The following MLXIPL variants were observed in gnomAD, a reference collection of about 807,000 sequenced individuals.
The protein encoded by MLXIPL is carbohydrate-responsive element-binding protein.
In MLXIPL, 49 loss-of-function variants were observed where a neutral mutation model predicts 81.5. The ratio of observed to expected loss-of-function variants is 0.60; its 90% CI spans 0.48 to 0.76. The LOEUF is 0.76. Among genes scored for constraint, MLXIPL ranks in the 30% least tolerant of loss-of-function variants. MLXIPL has a pLI of 0.00. For missense variants in MLXIPL, 1,053 were observed against 1,167.0 expected (o/e 0.90, Z 1.42); for synonymous variants, 466 against 485.5 (o/e 0.96, Z 0.53).
At chr7:73,637,598 G>A in the MLXIPL span, among the ~76,000 whole-genome samples, 2 of 152,106 alleles carry the variant, frequency 1.3e-5, no homozygotes, top group Non-Finnish European at 2.9e-5. Flanking sequence ...ATCTCATTAT[G>A]AGCCAGACAG....
chr7:73,602,165 T>TTCCTTCCTTCC (rs1554596517), intron 7 of MLXIPL, among the ~76,000 whole-genome samples: 17 of 148,492 alleles, frequency 1.1e-4, no homozygotes, highest in South Asian at 2.1e-4. Flanking sequence ...CCTTCCTTCC[T>TTCCTTCCTTCC]TTCTTTCCCT....
chr7:73,599,380 G>A lies in MLXIPL; in HGVS notation c.1071+146C>T. On this transcript the variant is annotated intron_variant, in intron 8 of 16. Transcript: ENST00000313375. ...TCTGCTTCACGGGGTCCCTCCCAGA[G>A]GGCAGAGATGGGGTCTTTCTTTCCC... 4 of 1,034,914 alleles carry A rather than the reference G, an allele frequency of 3.9e-6. No individual in the cohort carries two copies. The Admixed American group carries it at 7.6e-5, about 20-fold the overall frequency. The allele number at this position is 1,034,914 out of a possible 1,614,324, so 64.1% of individuals were successfully genotyped here.
At chr7:73,635,553 A>G in the MLXIPL span, among the ~76,000 whole-genome samples, 1 of 150,744 alleles carries the variant, frequency 6.6e-6, no homozygotes, top group South Asian at 2.1e-4. Context: ...CCATCCATCC[A>G]TCCATCCATC....
At chr7:73,628,406 C>T (rs1488416377), upstream of MLXIPL, among the ~76,000 whole-genome samples, 2 of 152,190 alleles carry the variant, frequency 1.3e-5, no homozygotes, top group Non-Finnish European at 1.5e-5. Flanking sequence ...CCTCTAGAAG[C>T]CTAACCGCTG....
chr7:73,643,027 T>C, the MLXIPL span, among the ~76,000 whole-genome samples: 1 of 152,040 alleles, frequency 6.6e-6, no homozygotes, highest in African/African-American at 2.4e-5. Context: ...ATTCCAAGGG[T>C]TGTAGGAGCT....
At chr7:73,638,847 T>C in the MLXIPL span, among the ~76,000 whole-genome samples, 252 of 152,264 alleles carry the variant, frequency 1.7e-3, 2 homozygotes, top group Middle Eastern at 3.4e-3. Flanking sequence ...GGTCTTGAAC[T>C]CCTGACCTCA....
chr7:73,638,978 A>G, the MLXIPL span, among the ~76,000 whole-genome samples: 1 of 152,014 alleles, frequency 6.6e-6, no homozygotes, highest in Non-Finnish European at 1.5e-5. Context: ...AGTAGAGAGG[A>G]GAAAAAAAAT....
At chr7:73,611,384 A>G (rs1186726020) in intron 2 of MLXIPL, 1 of 152,256 alleles carries the variant, frequency 6.6e-6, no homozygotes, top group Non-Finnish European at 1.5e-5. Context: ...GCTCTGACAA[A>G]GAGAACAACT....
At position 73,607,359 on chromosome 7, in the gene MLXIPL, T is replaced by C. The variant is rs1554598573; in HGVS notation, c.545A>G (p.His182Arg). The change falls in exon 4 of 17, where the codon CAC (histidine) becomes CGC (arginine). Residue 182 changes from histidine (H) to arginine (R), a missense_variant. By Grantham distance (29) the His-to-Arg change is conservative. Around this residue, in one of 3 missense-constraint regions of MLXIPL, gnomAD observed 823 missense variants for 933.0 expected, o/e 0.88. Transcript: ENST00000313375. ...RRIEVVMREY[H>R]KWRIYYKKRL... The stretch of plus-strand genomic sequence containing the variant: ...CTTCTTGTAGTAGATGCGCCACTTG[T>C]GGTATTCCCGCATCACCACCTCGAT... The C allele has an allele frequency of 1.9e-6, 3 of 1,567,518 alleles. No homozygotes were observed. The highest frequency in any genetic ancestry group is 1.7e-6 in the Non-Finnish European group (2 of 1,155,856).
At position 73,596,743 on chromosome 7, in the gene MLXIPL, G is replaced by A. The variant is rs782196759; in HGVS notation, c.1718C>T (p.Pro573Leu). The A allele has an allele frequency of 2.2e-5, 35 of 1,596,268 alleles. No homozygotes were observed. In the African/African-American group the frequency reaches 2.8e-4, roughly 13 times the overall value. Reference protein sequence around the residue: ...EFPCTFLPPTPAPTPPRPPPG... With the variant: ...EFPCTFLPPTLAPTPPRPPPG... Reference sequence around the variant, plus strand: ...AGGTGGCCGGGGCGGTGTAGGGGCCGGGGTCGGGGGAAGGAATGTGCAGGG... The same window carrying A: ...AGGTGGCCGGGGCGGTGTAGGGGCCAGGGTCGGGGGAAGGAATGTGCAGGG... Residue 573 changes from proline (P) to leucine (L), a missense_variant, in exon 11 of 17, where the codon CCG (proline) becomes CTG (leucine). This residue lies in a region of MLXIPL where 823 missense variants were observed against 933.0 expected (regional missense o/e 0.88). Transcript: ENST00000313375. This position sits in a 1 kb window ranked among gnomAD's most constrained non-coding sequence, Gnocchi z 4.7.
At chr7:73,624,731 AG>A (rs1796628386), upstream of MLXIPL, among the ~76,000 whole-genome samples, 1 of 152,174 alleles carries the variant, frequency 6.6e-6, no homozygotes, top group Admixed American at 6.6e-5. Flanking sequence ...GAGTCCTGAT[AG>A]AGCCGCCCCT....
chr7:73,630,285 C>CTTTTTTTT, the MLXIPL span, among the ~76,000 whole-genome samples: 6 of 97,844 alleles, frequency 6.1e-5, no homozygotes, highest in Admixed American at 1.5e-4. Context: ...GCCAGCTTGT[C>CTTTTTTTT]TTTTTTTTTT....
At chr7:73,604,215 C>CAAAA (rs55693159) in intron 7 of MLXIPL, among the ~76,000 whole-genome samples, 4 of 49,998 alleles carry the variant, frequency 8.0e-5, no homozygotes, top group Non-Finnish European at 1.3e-4. Flanking sequence ...GACTCCGTCT[C>CAAAA]AAAAAAAAAA....
At chr7:73,594,246 C>G (rs782756157) in intron 16 of MLXIPL, 28 bp downstream of exon 16, 3 of 1,610,524 alleles carry the variant, frequency 1.9e-6, no homozygotes, top group Non-Finnish European at 1.7e-6. Context: ...CTGGGTCCCT[C>G]TAGCAGGCAG....
At chr7:73,644,195 G>A in the MLXIPL span, among the ~76,000 whole-genome samples, 1 of 151,666 alleles carries the variant, frequency 6.6e-6, no homozygotes, top group Non-Finnish European at 1.5e-5. Context: ...ACTGCACCTG[G>A]CTGAGGACTG....
At chr7:73,615,153 C>G (rs1795933876) in intron 2 of MLXIPL, among the ~76,000 whole-genome samples, 1 of 152,108 alleles carries the variant, frequency 6.6e-6, no homozygotes, top group Non-Finnish European at 1.5e-5. Context: ...AGGCAACTAG[C>G]CTGAAGTCAC....
chr7:73,611,644 C>T, intron 2 of MLXIPL: 1 of 152,034 alleles, frequency 6.6e-6, no homozygotes, highest in Non-Finnish European at 1.5e-5. Flanking sequence ...AGTGAGACCC[C>T]ATCTCTACTA....
chr7:73,634,856 G>T, the MLXIPL span, among the ~76,000 whole-genome samples: 8 of 118,906 alleles, frequency 6.7e-5, no homozygotes, highest in African/African-American at 2.6e-4. Flanking sequence ...CATTCTGTCG[G>T]CCAGGCTGGA....
At chr7:73,640,124 G>A in the MLXIPL span, among the ~76,000 whole-genome samples, 1 of 151,766 alleles carries the variant, frequency 6.6e-6, no homozygotes, top group Admixed American at 6.6e-5. Context: ...AAAGTTATGG[G>A]CCGGGCATGG....
Sources: gnomAD v4.1 joint callset for allele counts (sites outside exome capture counted in the v4.1 genomes callset) on GRCh38, gnomAD v4.1.1 for gene constraint, gnomAD v4.1.1 regional missense constraint, Gnocchi (gnomAD v3.1) non-coding constraint, MANE v1.5 for transcripts, NCBI Gene and HGNC (gene_info 2026-07-23, HGNC 2026-07-21) for gene names.